TPH2: variants seen among roughly 807,000 people sequenced by gnomAD.
TPH2 encodes the protein tryptophan hydroxylase 2.
TPH2 carries 27 observed loss-of-function variants against 59.1 expected under a neutral mutation model. The observed-to-expected ratio is 0.46, with a 90% CI of 0.34 to 0.63. The LOEUF (loss-of-function observed/expected upper bound fraction) is 0.63. TPH2 is among the 30% of genes least tolerant of loss of function. TPH2 has a pLI of 0.01. For synonymous variants in TPH2, 220 were observed against 210.5 expected (o/e 1.05, Z -0.39); for missense variants, 523 against 588.3 (o/e 0.89, Z 1.15).
chr12:71,973,216 T>C (rs1872023187), intron 6 of TPH2, among the ~76,000 whole-genome samples: 1 of 152,160 alleles, frequency 6.6e-6, no homozygotes, highest in Admixed American at 6.5e-5. Flanking sequence ...TGAGACTTAT[T>C]GGGCTGCATT....
At chr12:71,953,860 T>C (rs988031908) in intron 5 of TPH2, among the ~76,000 whole-genome samples, 3 of 152,178 alleles carry the variant, frequency 2.0e-5, no homozygotes, top group African/African-American at 7.2e-5. Flanking sequence ...GTCAAACATG[T>C]GGTCAGAAAT....
intron 8 of TPH2, among the ~76,000 whole-genome samples, chr12:72,013,369 C>T (rs1025184538): frequency 1.3e-5 from 2 of 152,116 alleles, no homozygotes; most frequent in Non-Finnish European, 2.9e-5. Flanking sequence ...CCATCTCTGC[C>T]GGTCTCAGTG....
intron 6 of TPH2, among the ~76,000 whole-genome samples, chr12:71,976,353 G>C (rs1872116854): frequency 6.6e-6 from 1 of 152,178 alleles, no homozygotes; most frequent in Non-Finnish European, 1.5e-5. Context: ...CTGGCATGTA[G>C]ATAGTATGAT....
At chr12:72,016,158 C>T (rs554018648) in intron 8 of TPH2, among the ~76,000 whole-genome samples, 1 of 152,210 alleles carries the variant, frequency 6.6e-6, no homozygotes, top group Non-Finnish European at 1.5e-5. Context: ...ATAATAAGTG[C>T]TCTATCTACT....
intron 8 of TPH2, among the ~76,000 whole-genome samples, chr12:72,005,386 A>G (rs1055729253): frequency 9.1e-6 from 1 of 110,154 alleles, no homozygotes; most frequent in Admixed American, 9.5e-5. Context: ...TATTAAAAAG[A>G]TAACATATAT....
chr12:71,947,039 A>G (rs1871213871), intron 4 of TPH2, among the ~76,000 whole-genome samples: 1 of 152,220 alleles, frequency 6.6e-6, no homozygotes, highest in Non-Finnish European at 1.5e-5. Context: ...TGTTAAAAAT[A>G]CAATATCTTG....
chr12:72,001,243 C>T (rs994460846), intron 8 of TPH2, among the ~76,000 whole-genome samples: 4 of 152,096 alleles, frequency 2.6e-5, no homozygotes, highest in Admixed American at 2.6e-4. Context: ...AGATTTGTTA[C>T]TGGATCTCAG....
intron 5 of TPH2, among the ~76,000 whole-genome samples, chr12:71,950,550 G>A (rs1242550537): frequency 1.3e-5 from 2 of 152,158 alleles, no homozygotes; most frequent in Non-Finnish European, 2.9e-5. Context: ...TTAGAAAAAT[G>A]CAGTGGTGGT....
At chr12:71,952,557 G>A (rs1243258024) in intron 5 of TPH2, among the ~76,000 whole-genome samples, 1 of 152,160 alleles carries the variant, frequency 6.6e-6, no homozygotes, top group African/African-American at 2.4e-5. Context: ...TGGATGCAGA[G>A]TCAAGTCAAA....
At position 71,972,541 on chromosome 12, in the gene TPH2, G is replaced by T; in HGVS notation, c.631G>T (p.Glu211Ter). The change falls in exon 6 of 11, where the codon GAG becomes TAG. Residue 211 changes from glutamate to a stop codon, truncating the protein, a stop_gained. Coordinates refer to ENST00000333850, the MANE Select transcript of TPH2 (RefSeq NM_173353.4). LOFTEE classifies it high-confidence loss of function. ...TAGTGGTCAGCCCATTCCCAGGGTG[G>T]AGTATACTGAAGAAGAAACTAAAAC... The part of the protein sequence containing the change: ...YKYGQPIPRV[E>*]YTEEETKTWG... 1 of 1,614,160 alleles carries T rather than the reference G, an allele frequency of 6.2e-7. No homozygotes were observed.
intron 5 of TPH2, among the ~76,000 whole-genome samples, chr12:71,957,190 C>T (rs921236026): frequency 2.0e-5 from 3 of 152,114 alleles, no homozygotes; most frequent in Non-Finnish European, 4.4e-5. Flanking sequence ...GCAATGATTA[C>T]AGGACTCAGA....
chr12:71,951,168 G>T (rs1371948448), intron 5 of TPH2, among the ~76,000 whole-genome samples: 1 of 151,920 alleles, frequency 6.6e-6, no homozygotes, highest in African/African-American at 2.4e-5. Flanking sequence ...TACCACCCCC[G>T]CTAGCCCCAT....
In TPH2 at chr12:71,990,562, T is replaced by A. The variant is rs116242679; in HGVS notation, c.942-3877T>A. Among the ~76,000 whole-genome samples the A allele has an allele frequency of 7.8e-3, 1,192 of 152,384 alleles. 18 individuals are homozygous for A. The highest frequency in any genetic ancestry group is 0.027 in the African/African-American group (1,132 of 41,584). On this transcript the variant is annotated intron_variant, in intron 7 of 10. Coordinates refer to ENST00000333850, the MANE Select transcript of TPH2 (RefSeq NM_173353.4). ...TAATGAATTGCTTTTATTAGTAATGTTAAAAATCTTTGCTCTTTGTTTGAA... is the reference window on the plus strand; with the variant it reads ...TAATGAATTGCTTTTATTAGTAATGATAAAAATCTTTGCTCTTTGTTTGAA...
At position 71,951,196 on chromosome 12, in the gene TPH2, T is replaced by A. The variant is rs562305134; in HGVS notation, c.608+1541T>A. 3.4e-4 allele frequency among the ~76,000 whole-genome samples: 52 copies of A among 152,254 alleles called. 1 individual carries two copies. Among genetic ancestry groups the A allele is most frequent in the African/African-American group, 1.0e-3 (43 of 41,560 alleles). ...AGCCCCATGTCCCAGTGTTTCCTGA[T>A]TAAATTGCCAAGAGAGGACTCGGAT... On this transcript the variant is annotated intron_variant, in intron 5 of 10. Transcript: ENST00000333850.
At chr12:72,001,610 G>A (rs1396963149) in intron 8 of TPH2, among the ~76,000 whole-genome samples, 1 of 152,012 alleles carries the variant, frequency 6.6e-6, no homozygotes, top group Non-Finnish European at 1.5e-5. Flanking sequence ...TAGAGATGGA[G>A]TTTTGCCATG....
intron 8 of TPH2, among the ~76,000 whole-genome samples, chr12:72,011,233 A>G (rs1327769004): frequency 6.6e-6 from 1 of 152,216 alleles, no homozygotes; most frequent in Non-Finnish European, 1.5e-5. Context: ...AGGCTCATGC[A>G]CTATTTCTAA....
intron 7 of TPH2, among the ~76,000 whole-genome samples, chr12:71,981,359 T>TA (rs967110330): frequency 4.8e-4 from 73 of 152,276 alleles, no homozygotes; most frequent in African/African-American, 1.7e-3. Flanking sequence ...AACAGGGAGC[T>TA]ATCCAAGGTT....
chr12:71,953,734 G>A (rs150746423), intron 5 of TPH2, among the ~76,000 whole-genome samples: 9 of 152,252 alleles, frequency 5.9e-5, no homozygotes, highest in African/African-American at 1.7e-4. Flanking sequence ...AAAATCTGGC[G>A]TATGCAGTCC....
intron 5 of TPH2, chr12:71,961,663 A>G (rs1417038086): frequency 7.4e-7 from 1 of 1,351,862 alleles, no homozygotes; most frequent in Admixed American, 1.9e-5. Flanking sequence ...ATATTGATGG[A>G]TGTTAGATCC....
Sources: gnomAD v4.1 joint callset for allele counts (sites outside exome capture counted in the v4.1 genomes callset) on GRCh38, gnomAD v4.1.1 for gene constraint, MANE v1.5 for transcripts, NCBI Gene and HGNC (gene_info 2026-07-23, HGNC 2026-07-21) for gene names.